The following UGGT2 variants were observed in gnomAD, a reference collection of about 807,000 sequenced individuals.
The protein encoded by UGGT2 is UDP-glucose:glycoprotein glucosyltransferase 2.
Under a neutral mutation model 192.1 loss-of-function variants are expected in UGGT2, and 180 were observed. The ratio of observed to expected loss-of-function variants is 0.94; its 90% CI spans 0.83 to 1.06. The LOEUF (loss-of-function observed/expected upper bound fraction) is 1.06, where lower values mean the gene tolerates loss of function less well. Among genes scored for constraint, UGGT2 ranks in the 50% least tolerant of loss-of-function variants. The pLI, the probability that UGGT2 is intolerant of heterozygous loss-of-function variation, is 0.00. For synonymous variants in UGGT2, 580 were observed against 591.0 expected (o/e 0.98, Z 0.27); for missense variants, 1,849 against 1,795.7 (o/e 1.03, Z -0.54).
intron 17 of UGGT2, among the ~76,000 whole-genome samples, chr13:95,933,154 T>C (rs1461789365): frequency 6.6e-6 from 1 of 152,218 alleles, no homozygotes; most frequent in Non-Finnish European, 1.5e-5. Context: ...TTCAGTAGGA[T>C]TGGTAACAGT....
rs75115753 is a variant in UGGT2, at chr13:95,961,678, C to T, written c.1335+8434G>A. On this transcript the variant is annotated intron_variant, in intron 12 of 38. Coordinates refer to ENST00000376747, the MANE Select transcript of UGGT2 (RefSeq NM_020121.4). ...GGAACCTTCAACACCCTACTCTCAG[C>T]AATACCTAGATGGAAAATTGAAAAG... 1.2e-3 allele frequency among the ~76,000 whole-genome samples: 178 copies of T among 152,204 alleles called. 1 individual carries two copies. The highest frequency in any genetic ancestry group is 3.7e-3 in the African/African-American group (152 of 41,552).
At position 96,002,239 on chromosome 13, in the gene UGGT2, T is replaced by C. The variant is rs1439291675; in HGVS notation, c.661-2932A>G. ...AGTCTTAAGGTGCTACTGTTATTGATGGTAATGTATCCATCCTTCTAGCAA... is the reference window on the plus strand; with the variant it reads ...AGTCTTAAGGTGCTACTGTTATTGACGGTAATGTATCCATCCTTCTAGCAA... On this transcript the variant is annotated intron_variant, in intron 5 of 38. Transcript: ENST00000376747. 1.4e-4 allele frequency among the ~76,000 whole-genome samples: 21 copies of C among 152,236 alleles called. 1 individual carries two copies. The highest frequency in any genetic ancestry group is 1.4e-3 in the Admixed American group (21 of 15,284).
intron 24 of UGGT2, among the ~76,000 whole-genome samples, chr13:95,892,160 T>C (rs965051464): frequency 1.3e-5 from 2 of 152,112 alleles, no homozygotes; most frequent in Non-Finnish European, 2.9e-5. Flanking sequence ...GATGTAATTA[T>C]GGTTTCAGCA....
intron 9 of UGGT2, 84 bp from the exon 10 acceptor site, chr13:95,983,948 G>T: frequency 3.4e-6 from 3 of 874,038 alleles, no homozygotes; most frequent in South Asian, 3.1e-5. Flanking sequence ...CTAATACTTT[G>T]GATAAGAAGC....
intron 38 of UGGT2, among the ~76,000 whole-genome samples, chr13:95,816,300 G>A (rs879491760): frequency 6.6e-5 from 10 of 152,170 alleles, no homozygotes; most frequent in Admixed American, 1.3e-4. Context: ...AGGAAGTACA[G>A]CAATTGGAAC....
intron 20 of UGGT2, among the ~76,000 whole-genome samples, chr13:95,923,492 G>A (rs1030905075): frequency 2.7e-5 from 4 of 150,794 alleles, no homozygotes; most frequent in Non-Finnish European, 4.4e-5. Flanking sequence ...CCTCAGCCTC[G>A]CCAGTAGCTG....
chr13:95,844,821 C>A (rs1888230002), intron 36 of UGGT2, among the ~76,000 whole-genome samples: 1 of 152,082 alleles, frequency 6.6e-6, no homozygotes, highest in Non-Finnish European at 1.5e-5. Context: ...CTGTCCAGTA[C>A]AATACTGAAT....
At chr13:95,832,845 C>T (rs1886870655) in intron 38 of UGGT2, 82 bp downstream of exon 38, 2 of 1,545,534 alleles carry the variant, frequency 1.3e-6, no homozygotes, top group Admixed American at 3.6e-5. Flanking sequence ...TTTATAAATT[C>T]ACTAAGAAAT....
intron 5 of UGGT2, among the ~76,000 whole-genome samples, chr13:96,006,765 C>T (rs56077337): frequency 1.3e-5 from 2 of 151,528 alleles, no homozygotes; most frequent in African/African-American, 2.4e-5. Context: ...AGAAACTGAG[C>T]AGAACACTCA....
intron 5 of UGGT2, among the ~76,000 whole-genome samples, chr13:96,003,238 C>T (rs1007666059): frequency 1.3e-5 from 2 of 152,170 alleles, no homozygotes; most frequent in Non-Finnish European, 2.9e-5. Context: ...AAGGTGTTTA[C>T]AGTCCTCCCC....
At chr13:95,926,906 A>C in intron 19 of UGGT2, 122 bp downstream of exon 19, 1 of 877,528 alleles carries the variant, frequency 1.1e-6, no homozygotes, top group East Asian at 2.9e-5. Flanking sequence ...CAAACTCTAA[A>C]ATTGAAATCT....
intron 20 of UGGT2, among the ~76,000 whole-genome samples, chr13:95,907,888 G>C (rs1423269842): frequency 6.6e-6 from 1 of 152,212 alleles, no homozygotes; most frequent in African/African-American, 2.4e-5. Context: ...AAGCTGGACA[G>C]AGAATGACTT....
chr13:95,828,839 T>C (rs911942598), intron 38 of UGGT2, among the ~76,000 whole-genome samples: 3 of 152,172 alleles, frequency 2.0e-5, no homozygotes, highest in Admixed American at 1.3e-4. Flanking sequence ...ATCATCCTGA[T>C]ACCAAAGACT....
At chr13:95,868,521 T>C (rs1890891724) in intron 29 of UGGT2, among the ~76,000 whole-genome samples, 1 of 152,134 alleles carries the variant, frequency 6.6e-6, no homozygotes, top group South Asian at 2.1e-4. Context: ...TGCTTGAAAC[T>C]GGCAGATTGA....
intron 29 of UGGT2, among the ~76,000 whole-genome samples, chr13:95,876,322 G>C (rs1200956926): frequency 6.6e-6 from 1 of 152,210 alleles, no homozygotes. Flanking sequence ...ACAGGGAAAA[G>C]TCTAAGAGCC....
chr13:95,892,022 G>A (rs931154213), intron 24 of UGGT2, among the ~76,000 whole-genome samples: 1 of 152,134 alleles, frequency 6.6e-6, no homozygotes, highest in Admixed American at 6.5e-5. Context: ...CCACAAATCA[G>A]ACGTTCTGCT....
intron 4 of UGGT2, among the ~76,000 whole-genome samples, chr13:96,019,663 G>T (rs1210313824): frequency 2.6e-5 from 4 of 152,176 alleles, no homozygotes; most frequent in Admixed American, 6.5e-5. Flanking sequence ...CAGTGTGCAA[G>T]CCCCAAGGAG....
At chr13:95,925,630 C>A in intron 20 of UGGT2, 50 bp downstream of exon 20, 1 of 1,260,796 alleles carries the variant, frequency 7.9e-7, no homozygotes, top group Non-Finnish European at 1.1e-6. Flanking sequence ...TATTGCTTTC[C>A]TTAAATTGAA....
At chr13:95,809,341 G>T in intron 38 of UGGT2, 1 of 465,802 alleles carries the variant, frequency 2.1e-6, no homozygotes, top group Admixed American at 2.3e-5. Context: ...TAGCTTCATT[G>T]GAGGCTGAAC....
Sources: gnomAD v4.1 joint callset for allele counts (sites outside exome capture counted in the v4.1 genomes callset) on GRCh38, gnomAD v4.1.1 for gene constraint, MANE v1.5 for transcripts, NCBI Gene and HGNC (gene_info 2026-07-23, HGNC 2026-07-21) for gene names.